Variants in LPIN1 observed in about 807,000 individuals in gnomAD.
The protein encoded by LPIN1 is lipin 1.
A neutral mutation model predicts 107.5 loss-of-function variants in LPIN1; 71 were observed. The ratio of observed to expected loss-of-function variants is 0.66; its 90% confidence interval spans 0.55 to 0.80. The LOEUF (loss-of-function observed/expected upper bound fraction) is 0.80, where lower values mean the gene tolerates loss of function less well. Among genes scored for constraint, LPIN1 ranks in the 30% least tolerant of loss-of-function variants. LPIN1 has a pLI of 0.00. For missense variants in LPIN1, 1,043 were observed against 1,160.6 expected (o/e 0.90, Z 1.47); for synonymous variants, 445 against 452.6 (o/e 0.98, Z 0.21).
At chr2:11,809,157 A>G (rs1404338505) in intron 17 of LPIN1, among the ~76,000 whole-genome samples, 3 of 146,908 alleles carry the variant, frequency 2.0e-5, no homozygotes. Context: ...AGGAAAGTCA[A>G]GAAGGACTGT....
At chr2:11,750,785 C>A (rs192458954) in intron 1 of LPIN1, among the ~76,000 whole-genome samples, 2 of 135,502 alleles carry the variant, frequency 1.5e-5, no homozygotes. Flanking sequence ...CTCTTACCTG[C>A]TGAGCTATAT....
chr2:11,773,434 A>C (rs13009444), intron 4 of LPIN1, among the ~76,000 whole-genome samples, 186 bp from the exon 5 acceptor site: 5 of 152,216 alleles, frequency 3.3e-5, no homozygotes, highest in South Asian at 2.1e-4. Context: ...AAGCATTAGC[A>C]CATAGACACG....
At position 11,818,735 on chromosome 2, in the gene LPIN1, C is replaced by T. The variant is rs537472871; in HGVS notation, c.2403-749C>T. The T allele has an allele frequency of 2.0e-5, 3 of 152,158 alleles. No homozygotes were observed. In the East Asian group the frequency reaches 5.8e-4, roughly 29 times the overall value. 9.4% of individuals were successfully genotyped at this position (152,158 alleles called of 1,614,324 possible). ...AATTGCCATGATGATACAGACCACC[C>T]TTATTTCACTGTTAATAAGATGTTC... On this transcript the variant is annotated intron_variant, in intron 18 of 20. Coordinates refer to ENST00000674199, the MANE Select transcript of LPIN1 (RefSeq NM_001349206.2).
At chr2:11,710,021 T>G (rs1331563773) in intron 1 of LPIN1, among the ~76,000 whole-genome samples, 1 of 152,192 alleles carries the variant, frequency 6.6e-6, no homozygotes, top group Admixed American at 6.5e-5. Flanking sequence ...GTGATGGGAA[T>G]TCAATTTCAG....
intron 20 of LPIN1, 141 bp downstream of exon 20, chr2:11,820,655 A>C: frequency 1.5e-6 from 1 of 654,444 alleles, no homozygotes; most frequent in Non-Finnish European, 2.7e-6. Context: ...ATGTATTTTA[A>C]CTCCTTGTAT....
rs1665890286 is a variant in LPIN1 at position 11,737,352 on chromosome 2, A to G, written c.-71-3997A>G. 4.6e-5 allele frequency among the ~76,000 whole-genome samples: 7 copies of G among 152,238 alleles called. No individual in the cohort carries two copies. In the South Asian group the frequency reaches 1.5e-3, roughly 32 times the overall value. ...AAGACTTCATGAGTAAAACACCAAA[A>G]GCAATGGCAACAAAAGCCAACATTG... On this transcript the variant is annotated intron_variant, in intron 1 of 21. Coordinates refer to the LPIN1 transcript ENST00000396097.
Position 11,782,213 on chromosome 2 carries a change from C to T in LPIN1, c.970C>T (p.His324Tyr). 1 of 1,613,782 alleles carries T rather than the reference C, an allele frequency of 6.2e-7. No homozygotes were observed. Among genetic ancestry groups the T allele is most frequent in the Non-Finnish European group, 8.5e-7 (1 of 1,179,672 alleles). ...CTCTTTGCTCTAGTCTTCTTCTCCA[C>T]ACAAGATGAAAGAGTCCAGCCCATT... ...LPQAAKSSSP[H>Y]KMKESSPLSS... Residue 324 changes from histidine (H) to tyrosine (Y), a missense_variant, in exon 8 of 21, where the codon CAC becomes TAC. Transcript: ENST00000674199.
upstream of LPIN1, among the ~76,000 whole-genome samples, chr2:11,742,676 G>A (rs1323932626): frequency 6.6e-6 from 1 of 152,140 alleles, no homozygotes; most frequent in Non-Finnish European, 1.5e-5. Flanking sequence ...TCCGCTCCTC[G>A]CACCTTGGTC....
Position 11,785,209 on chromosome 2 carries a change from A to G in LPIN1, c.1549+133A>G, listed in dbSNP as rs13392363. The G allele has an allele frequency of 0.3, 206,021 of 676,824 alleles. 33,340 individuals are homozygous for G. Among genetic ancestry groups the G allele is most frequent in the African/African-American group, 0.37 (20,692 of 55,430 alleles). 41.9% of individuals were successfully genotyped at this position (676,824 alleles called of 1,614,324 possible). A position where few individuals can be genotyped will look rare whatever the true frequency, so the allele number is the denominator to read the frequency against. On this transcript the variant is annotated intron_variant, in intron 10 of 20. Coordinates refer to ENST00000674199, the MANE Select transcript of LPIN1 (RefSeq NM_001349206.2). The stretch of plus-strand genomic sequence containing the variant: ...GGTTAATGATAGCACAGATGATAGC[A>G]CCGAACTCATAATCCCGATGTTTCT...
chr2:11,677,788 C>T (rs1006596665), intron 1 of LPIN1: 39 of 1,407,082 alleles, frequency 2.8e-5, no homozygotes, highest in Non-Finnish European at 3.5e-5. Context: ...CCTTCCATCC[C>T]CAGGTGCCCG....
chr2:11,732,911 C>CTG (rs35991291), intron 1 of LPIN1, among the ~76,000 whole-genome samples: 3,003 of 149,060 alleles, frequency 0.02, 61 homozygotes, highest in Non-Finnish European at 0.02. Flanking sequence ...CTCTCTCTCT[C>CTG]TGTGTGTGTG....
intron 14 of LPIN1, among the ~76,000 whole-genome samples, chr2:11,801,157 G>A (rs1053398870): frequency 1.1e-4 from 17 of 152,200 alleles, no homozygotes; most frequent in African/African-American, 4.1e-4. Context: ...CTGTTGGTGG[G>A]AATGTGAATT....
upstream of LPIN1, among the ~76,000 whole-genome samples, chr2:11,741,762 G>A (rs367736662): frequency 3.4e-5 from 5 of 149,196 alleles, no homozygotes; most frequent in East Asian, 5.8e-4. Flanking sequence ...AGTAAGCCGA[G>A]ATCGTGCCAC....
At chr2:11,809,197 T>C (rs1279302691) in intron 17 of LPIN1, among the ~76,000 whole-genome samples, 3 of 150,224 alleles carry the variant, frequency 2.0e-5, no homozygotes, top group Admixed American at 6.6e-5. Context: ...ATTCAGCTAA[T>C]GGGTCCTTTG....
chr2:11,780,448 G>A (rs1172990139), intron 7 of LPIN1, among the ~76,000 whole-genome samples: 1 of 152,150 alleles, frequency 6.6e-6, no homozygotes, highest in Non-Finnish European at 1.5e-5. Context: ...AGAGGGAAAG[G>A]CTAATAGAAC....
chr2:11,690,756 T>C (rs1056485338), intron 1 of LPIN1, among the ~76,000 whole-genome samples: 7 of 152,200 alleles, frequency 4.6e-5, no homozygotes, highest in Admixed American at 2.6e-4. Flanking sequence ...GATATTTATG[T>C]TTTAATTTCA....
Position 11,814,698 on chromosome 2 carries a change from G to T in LPIN1, c.2250-390G>T, listed in dbSNP as rs575796906. 7.9e-5 allele frequency among the ~76,000 whole-genome samples: 12 copies of T among 152,260 alleles called. No homozygotes were observed. The East Asian group carries it at 2.1e-3, about 27-fold the overall frequency. ...AATGCTGGAGCAAAGTGTGTGAATT[G>T]GCAGGTGGCTGTGGTCTTGTCGCAG... On this transcript the variant is annotated intron_variant, in intron 17 of 20. Coordinates refer to ENST00000674199, the MANE Select transcript of LPIN1 (RefSeq NM_001349206.2).
At chr2:11,794,496 T>C (rs1676321964) in intron 13 of LPIN1, among the ~76,000 whole-genome samples, 2 of 152,244 alleles carry the variant, frequency 1.3e-5, no homozygotes, top group South Asian at 4.1e-4. Context: ...ATATCAATTA[T>C]TTGTGTGGTA....
chr2:11,778,534 G>C (rs1673038152), intron 6 of LPIN1, among the ~76,000 whole-genome samples: 1 of 152,194 alleles, frequency 6.6e-6, no homozygotes, highest in Admixed American at 6.5e-5. Flanking sequence ...TTGAACTCTA[G>C]GTAAATGAGA....
Sources: allele counts gnomAD v4.1 joint callset (sites outside exome capture counted in the v4.1 genomes callset), GRCh38; gene constraint gnomAD v4.1.1; transcripts MANE v1.5; gene names NCBI Gene and HGNC (gene_info 2026-07-23, HGNC 2026-07-21).